Variants in TRIM27 observed in about 807,000 individuals in gnomAD.
TRIM27 encodes tripartite motif containing 27.
A neutral mutation model predicts 57.6 loss-of-function variants in TRIM27; 12 were observed. That is an observed-to-expected ratio of 0.21 (90% CI 0.13 to 0.34). The LOEUF is 0.34. Among genes scored for constraint, TRIM27 ranks in the 10% least tolerant of loss-of-function variants. The probability of loss-of-function intolerance (pLI) is 1.00; values close to 1 mark genes in which losing one functional copy is unlikely to be tolerated. For synonymous variants in TRIM27, 266 were observed against 259.0 expected (o/e 1.03, Z -0.26); for missense variants, 403 against 656.8 (o/e 0.61, Z 4.22).
At chr6:28,912,491 T>C (rs1773281411) in intron 3 of TRIM27, among the ~76,000 whole-genome samples, 1 of 150,662 alleles carries the variant, frequency 6.6e-6, no homozygotes, top group African/African-American at 2.4e-5. Flanking sequence ...AAACTCTGTC[T>C]CAGGAAAAAA....
At chr6:28,910,830 T>C (rs1773150761) in intron 4 of TRIM27, among the ~76,000 whole-genome samples, 1 of 152,148 alleles carries the variant, frequency 6.6e-6, no homozygotes, top group Non-Finnish European at 1.5e-5. Context: ...CTGGGACTGG[T>C]ATGAACTCCA....
intron 4 of TRIM27, among the ~76,000 whole-genome samples, chr6:28,910,960 C>T (rs1773158359): frequency 6.6e-6 from 1 of 152,146 alleles, no homozygotes; most frequent in Non-Finnish European, 1.5e-5. Flanking sequence ...CTTAAATGCT[C>T]CCACATAGTC....
At chr6:28,917,235 G>GC (rs1246452620) in intron 3 of TRIM27, among the ~76,000 whole-genome samples, 3 of 152,070 alleles carry the variant, frequency 2.0e-5, no homozygotes, top group Non-Finnish European at 4.4e-5. Context: ...CTTACTCAGT[G>GC]CCCACGCCAG....
intron 7 of TRIM27, chr6:28,906,895 C>T: frequency 3.9e-6 from 1 of 253,226 alleles, no homozygotes; most frequent in East Asian, 8.3e-5. Flanking sequence ...TCCTGCTTGT[C>T]ACAAACCATG....
Position 28,903,595 on chromosome 6 carries a change from C to T in TRIM27, c.*475G>A. On this transcript the variant is annotated 3_prime_UTR_variant, in exon 8 of 8. Coordinates refer to ENST00000377199, the MANE Select transcript of TRIM27 (RefSeq NM_006510.5). ...GAATCAGGGGCAGAGGTACTGTTCC[C>T]AGACGGAAAACTGGGATAAAGGGAG... The T allele has an allele frequency of 4.2e-6, 1 of 240,714 alleles. No homozygotes were observed. The allele number at this position is 240,714 out of a possible 1,614,324, so 14.9% of individuals were successfully genotyped here. A position where few individuals can be genotyped will look rare whatever the true frequency, so the allele number is the denominator to read the frequency against.
chr6:28,923,736 C>T lies in TRIM27; in HGVS notation c.-104G>A. 3 of 1,301,028 alleles carry T rather than the reference C, an allele frequency of 2.3e-6. No homozygotes were observed. Among genetic ancestry groups the T allele is most frequent in the Non-Finnish European group, 3.1e-6 (3 of 978,204 alleles). 80.6% of individuals were successfully genotyped at this position (1,301,028 alleles called of 1,614,324 possible). ...CCGGTTCGCTGTTCCTGAGAGGCAC[C>T]GGGCGGACGGAGGGCGGCGCCTCCC... On this transcript the variant is annotated 5_prime_UTR_variant, in exon 1 of 8. Transcript: ENST00000377199.
chr6:28,916,419 G>A (rs1288577879), intron 3 of TRIM27, among the ~76,000 whole-genome samples: 2 of 151,846 alleles, frequency 1.3e-5, no homozygotes, highest in Non-Finnish European at 2.9e-5. Context: ...AGGGGTGGTG[G>A]CGCATGCCTG....
At chr6:28,915,529 G>A (rs1471774477) in intron 3 of TRIM27, 1 of 152,120 alleles carries the variant, frequency 6.6e-6, no homozygotes, top group African/African-American at 2.4e-5. Context: ...GACTCACTCA[G>A]GAGGTGGAAG....
In TRIM27 at chr6:28,903,589, T is replaced by C. The variant is rs573196853; in HGVS notation, c.*481A>G. The C allele has an allele frequency of 2.8e-4, 67 of 240,210 alleles. No individual in the cohort carries two copies. In the Admixed American group the frequency reaches 3.4e-3, roughly 12 times the overall value. The allele number at this position is 240,210 out of a possible 1,614,324, so 14.9% of individuals were successfully genotyped here. On this transcript the variant is annotated 3_prime_UTR_variant, in exon 8 of 8. Coordinates refer to ENST00000377199, the MANE Select transcript of TRIM27 (RefSeq NM_006510.5). ...CATTGGGAATCAGGGGCAGAGGTAC[T>C]GTTCCCAGACGGAAAACTGGGATAA...
rs1368566428 is a variant in TRIM27 at position 28,910,131 on chromosome 6, A to T, written c.771-1043T>A. ...CTACAAAAAAGAAAAATGAAAAAAA[A>T]AAAAAAAAAAAAACGAAGAAAAAAA... is the stretch of plus-strand genomic sequence containing the variant. On this transcript the variant is annotated intron_variant, in intron 4 of 7. Transcript: ENST00000377199. 1.4e-4 allele frequency among the ~76,000 whole-genome samples: 21 copies of T among 150,794 alleles called. No homozygotes were observed. The East Asian group carries it at 2.1e-3, about 15-fold the overall frequency.
At chr6:28,922,780 G>A (rs779507734) in intron 1 of TRIM27, among the ~76,000 whole-genome samples, 2 of 152,154 alleles carry the variant, frequency 1.3e-5, no homozygotes, top group Non-Finnish European at 2.9e-5. Context: ...AGACCAGGAC[G>A]GATTGCAGGA....
At chr6:28,908,677 G>A in intron 6 of TRIM27, 131 bp downstream of exon 6, 1 of 757,184 alleles carries the variant, frequency 1.3e-6, no homozygotes, top group Non-Finnish European at 2.2e-6. Flanking sequence ...TAAGACCAAA[G>A]GGAAGATGTA....
intron 3 of TRIM27, chr6:28,915,694 T>G (rs943623154): frequency 6.6e-6 from 1 of 152,226 alleles, no homozygotes; most frequent in Non-Finnish European, 1.5e-5. Flanking sequence ...CAGATTAGCA[T>G]GGCTCCTGCA....
intron 3 of TRIM27, 47 bp from the exon 4 acceptor site, chr6:28,911,765 T>C (rs763087524): frequency 1.9e-6 from 3 of 1,596,066 alleles, no homozygotes; most frequent in Non-Finnish European, 2.6e-6. Context: ...CATTTAAAAC[T>C]TCGGTTTTCT....
chr6:28,911,853 A>G (rs1773231491), intron 3 of TRIM27, 135 bp from the exon 4 acceptor site: 4 of 824,226 alleles, frequency 4.9e-6, no homozygotes, highest in South Asian at 1.6e-5. Flanking sequence ...TCACTGGAAC[A>G]TAACTCAGTG....
Position 28,922,988 on chromosome 6 carries a change from A to G in TRIM27, c.420+225T>C, listed in dbSNP as rs1457977598. On this transcript the variant is annotated intron_variant, in intron 1 of 7. Transcript: ENST00000377199. ...CGTGAGACAGGTAACATGGGGGTAA[A>G]CAGAGAAAAGAGAGTGGGGGTGGGG... Among the ~76,000 whole-genome samples the G allele has an allele frequency of 2.0e-5, 3 of 152,126 alleles. No homozygotes were observed. The East Asian group carries it at 5.8e-4, about 29-fold the overall frequency.
Position 28,923,357 on chromosome 6 carries a change from C to T in TRIM27, c.276G>A (p.Glu92=). 1 of 1,611,924 alleles carries T rather than the reference C, an allele frequency of 6.2e-7. No individual in the cohort carries two copies. The highest frequency in any genetic ancestry group is 8.5e-7 in the Non-Finnish European group (1 of 1,179,676). ...CGCGGTGCTTCTCGCACACGCCCAT[C>T]TCGCCGCCGGGCCCCGACGGCCGCT... ...RTERPSGPGG[E]MGVCEKHREP... is the part of the protein sequence containing the mutation. The change falls in exon 1 of 8, where the codon GAG becomes GAA. Residue 92 remains glutamate, a synonymous_variant. Coordinates refer to ENST00000377199, the MANE Select transcript of TRIM27 (RefSeq NM_006510.5).
Position 28,914,412 on chromosome 6 carries a change from GGT to G in TRIM27, c.748-2696_748-2695del, listed in dbSNP as rs545939036. 2.0e-3 allele frequency among the ~76,000 whole-genome samples: 307 copies of G among 151,938 alleles called. 2 individuals carry two copies. The South Asian group carries it at 0.023, about 11-fold the overall frequency. On this transcript the variant is annotated intron_variant, in intron 3 of 7. Coordinates refer to ENST00000377199, the MANE Select transcript of TRIM27 (RefSeq NM_006510.5). The stretch of plus-strand genomic sequence containing the variant: ...GGCCTCCCAAAGTACTGGGATTACA[GGT>G]GTGAGTCACTGCACCCGGCCTATCC...
chr6:28,919,890 G>T, intron 3 of TRIM27, 122 bp downstream of exon 3: 5 of 885,002 alleles, frequency 5.6e-6, no homozygotes, highest in Non-Finnish European at 8.4e-6. Context: ...ATAGAGTTTG[G>T]CAAGCTCTTG....
Sources: allele counts gnomAD v4.1 joint callset (sites outside exome capture counted in the v4.1 genomes callset), GRCh38; gene constraint gnomAD v4.1.1; transcripts MANE v1.5; gene names NCBI Gene and HGNC (gene_info 2026-07-23, HGNC 2026-07-21).